NOS1AP: variants seen among roughly 807,000 people sequenced by gnomAD.
NOS1AP encodes carboxyl-terminal PDZ ligand of neuronal nitric oxide synthase protein.
Under a neutral mutation model 56.2 loss-of-function variants are expected in NOS1AP, and 21 were observed. The ratio of observed to expected loss-of-function variants is 0.37; its 90% confidence interval spans 0.26 to 0.54. The LOEUF is 0.54. NOS1AP is among the 20% of genes least tolerant of loss of function. The pLI, the probability that NOS1AP is intolerant of heterozygous loss-of-function variation, is 0.84. For missense variants in NOS1AP, 522 were observed against 657.8 expected (o/e 0.79, Z 2.26); for synonymous variants, 270 against 274.6 (o/e 0.98, Z 0.17).
At chr1:162,184,887 C>G (rs1188980185) in intron 2 of NOS1AP, among the ~76,000 whole-genome samples, 1 of 152,208 alleles carries the variant, frequency 6.6e-6, no homozygotes, top group Non-Finnish European at 1.5e-5. Flanking sequence ...GCTGCTGTAA[C>G]AAATTACCAC....
rs551115729 is a variant in NOS1AP at position 162,222,959 on chromosome 1, A to G, written c.178-64385A>G. Reference sequence around the variant, plus strand: ...TACATACAGATCACACTATTCTTTTACCATTTTGTCATTGGAGAGCCATGA... The same window carrying G: ...TACATACAGATCACACTATTCTTTTGCCATTTTGTCATTGGAGAGCCATGA... On this transcript the variant is annotated intron_variant, in intron 2 of 9. Transcript: ENST00000361897. 2.0e-5 allele frequency among the ~76,000 whole-genome samples: 3 copies of G among 152,324 alleles called. No individual in the cohort carries two copies. The South Asian group carries it at 6.2e-4, about 32-fold the overall frequency.
intron 1 of NOS1AP, among the ~76,000 whole-genome samples, chr1:162,077,919 T>C (rs550626295): frequency 6.6e-6 from 1 of 152,334 alleles, no homozygotes; most frequent in South Asian, 2.1e-4. Flanking sequence ...TTCCAACTTC[T>C]GTCCTGGCTG....
At chr1:162,106,928 T>C (rs1476935464) in intron 1 of NOS1AP, among the ~76,000 whole-genome samples, 2 of 152,230 alleles carry the variant, frequency 1.3e-5, no homozygotes, top group African/African-American at 2.4e-5. Flanking sequence ...AAAGATTTAC[T>C]GGCAAAATAT....
At chr1:162,240,166 C>G (rs1653438297) in intron 2 of NOS1AP, among the ~76,000 whole-genome samples, 1 of 152,146 alleles carries the variant, frequency 6.6e-6, no homozygotes, top group Non-Finnish European at 1.5e-5. Context: ...GCCACAACAA[C>G]TGCCAGCTGA....
chr1:162,160,274 G>A (rs1650146317), intron 2 of NOS1AP, among the ~76,000 whole-genome samples: 1 of 152,116 alleles, frequency 6.6e-6, no homozygotes, highest in African/African-American at 2.4e-5. Flanking sequence ...AGTGGTGTTG[G>A]TCTTGGCCTT....
At chr1:162,270,710 G>C (rs17459699) in intron 2 of NOS1AP, among the ~76,000 whole-genome samples, 2 of 152,222 alleles carry the variant, frequency 1.3e-5, no homozygotes, top group African/African-American at 4.8e-5. Context: ...TTGAAATATT[G>C]TAGCGTAGTA....
chr1:162,144,868 A>G (rs1419744068), intron 1 of NOS1AP, among the ~76,000 whole-genome samples: 1 of 152,192 alleles, frequency 6.6e-6, no homozygotes, highest in Non-Finnish European at 1.5e-5. Context: ...AGCTTTTGCT[A>G]ATGGAGACTA....
intron 1 of NOS1AP, among the ~76,000 whole-genome samples, chr1:162,115,747 T>C (rs1647920573): frequency 6.6e-6 from 1 of 152,174 alleles, no homozygotes; most frequent in South Asian, 2.1e-4. Context: ...TGGTTTCATC[T>C]TGAAAACTAG....
chr1:162,316,829 A>G (rs1424896589), intron 4 of NOS1AP: 1 of 153,800 alleles, frequency 6.5e-6, no homozygotes, highest in African/African-American at 2.4e-5. Flanking sequence ...GAAGCAAATC[A>G]CAATGGTGGA....
intron 1 of NOS1AP, among the ~76,000 whole-genome samples, chr1:162,134,485 TA>T (rs66940059): frequency 0.029 from 2,665 of 92,600 alleles, 75 homozygotes; most frequent in African/African-American, 0.075. Context: ...AGACTTTGTC[TA>T]AAAAAAAAAA....
At chr1:162,082,175 G>A (rs1691910322) in intron 1 of NOS1AP, among the ~76,000 whole-genome samples, 1 of 113,984 alleles carries the variant, frequency 8.8e-6, no homozygotes, top group African/African-American at 3.2e-5. Flanking sequence ...ACTTATAAGT[G>A]AGAACATGCA....
intron 3 of NOS1AP, among the ~76,000 whole-genome samples, chr1:162,289,153 C>T (rs1319090122): frequency 6.6e-6 from 1 of 152,200 alleles, no homozygotes; most frequent in African/African-American, 2.4e-5. Context: ...CACCCCACTA[C>T]ACATCCACTT....
chr1:162,344,540 T>A (rs1657212999), intron 6 of NOS1AP, among the ~76,000 whole-genome samples: 1 of 151,974 alleles, frequency 6.6e-6, no homozygotes, highest in Admixed American at 6.6e-5. Flanking sequence ...GTTGCCTGTA[T>A]TTTCTACTAA....
chr1:162,163,554 G>A (rs79251052), intron 2 of NOS1AP, among the ~76,000 whole-genome samples: 17 of 152,232 alleles, frequency 1.1e-4, no homozygotes, highest in African/African-American at 3.6e-4. Flanking sequence ...AGACTGTTGC[G>A]GAAGGCTTCT....
At chr1:162,105,088 G>C (rs1647442181) in intron 1 of NOS1AP, among the ~76,000 whole-genome samples, 1 of 152,146 alleles carries the variant, frequency 6.6e-6, no homozygotes, top group African/African-American at 2.4e-5. Context: ...TAGGGTTTTT[G>C]AGGGGTCTTT....
chr1:162,323,217 G>A (rs1227623720), intron 4 of NOS1AP, among the ~76,000 whole-genome samples: 1 of 152,232 alleles, frequency 6.6e-6, no homozygotes, highest in Admixed American at 6.5e-5. Flanking sequence ...GGCAGCGGGA[G>A]CAGACTAGAG....
At chr1:162,353,422 C>G (rs1657589233) in intron 6 of NOS1AP, among the ~76,000 whole-genome samples, 2 of 152,168 alleles carry the variant, frequency 1.3e-5, no homozygotes, top group South Asian at 4.1e-4. Flanking sequence ...TCTGGCGAGG[C>G]CCTGTCCAAA....
chr1:162,278,683 G>C, intron 2 of NOS1AP, among the ~76,000 whole-genome samples: 1 of 151,184 alleles, frequency 6.6e-6, no homozygotes, highest in East Asian at 1.9e-4. Flanking sequence ...GTGTGTGTGT[G>C]TGTGTGTGTG....
intron 1 of NOS1AP, among the ~76,000 whole-genome samples, chr1:162,084,439 G>A (rs1570996482): frequency 6.6e-6 from 1 of 152,236 alleles, no homozygotes. Context: ...ACTAATGCTG[G>A]CCTTAGTACC....
Sources: allele counts gnomAD v4.1 joint callset (sites outside exome capture counted in the v4.1 genomes callset), GRCh38; gene constraint gnomAD v4.1.1; transcripts MANE v1.5; gene names NCBI Gene and HGNC (gene_info 2026-07-23, HGNC 2026-07-21).